ADAM19: variants seen among roughly 807,000 people sequenced by gnomAD.
ADAM19 encodes disintegrin and metalloproteinase domain-containing protein 19.
A neutral mutation model predicts 114.7 loss-of-function variants in ADAM19; 65 were observed. The ratio of observed to expected loss-of-function variants is 0.57; its 90% confidence interval spans 0.46 to 0.70. The LOEUF is 0.70. Ranked by LOEUF, ADAM19 falls within the 30% of genes least tolerant of loss-of-function variation. The pLI is 0.00. For missense variants in ADAM19, 1,063 were observed against 1,204.7 expected, an observed-to-expected ratio of 0.88 and a Z score of 1.74; for synonymous variants, 466 against 460.5, an observed-to-expected ratio of 1.01 and a Z score of -0.15.
At chr5:157,513,283 G>A (rs1755979291) in intron 8 of ADAM19, 151 bp downstream of exon 8, 2 of 622,420 alleles carry the variant, frequency 3.2e-6, no homozygotes, top group African/African-American at 1.8e-5. Context: ...CGTAGTTCAG[G>A]GCTCTGTCAT....
At chr5:157,555,688 G>A (rs539645519) in intron 3 of ADAM19, among the ~76,000 whole-genome samples, 1 of 152,264 alleles carries the variant, frequency 6.6e-6, no homozygotes, top group African/African-American at 2.4e-5. Context: ...TGTTTCCTGG[G>A]GCTAGTGTGT....
chr5:157,485,126 C>A (rs1303590729), intron 21 of ADAM19, among the ~76,000 whole-genome samples: 1 of 152,230 alleles, frequency 6.6e-6, no homozygotes, highest in Non-Finnish European at 1.5e-5. Flanking sequence ...AGCAATGGAT[C>A]TTCAACTCGT....
At chr5:157,529,755 C>T (rs1756572672) in intron 5 of ADAM19, among the ~76,000 whole-genome samples, 1 of 152,184 alleles carries the variant, frequency 6.6e-6, no homozygotes, top group Non-Finnish European at 1.5e-5. Flanking sequence ...TTTTTATCCA[C>T]ATTTTACAAA....
intron 21 of ADAM19, among the ~76,000 whole-genome samples, chr5:157,484,446 C>T (rs1011483446): frequency 5.3e-5 from 8 of 152,222 alleles, no homozygotes; most frequent in African/African-American, 1.9e-4. Context: ...CACCCGCAGG[C>T]CCCCAAGCTG....
chr5:157,477,832 A>T lies in ADAM19; in HGVS notation c.*3117T>A. The stretch of plus-strand genomic sequence containing the variant: ...GGAGGTGGGGAGGGGCTATTGCTTC[A>T]GGGGGAAGGGACTATGGCAATACAA... On this transcript the variant is annotated 3_prime_UTR_variant, in exon 23 of 23. Transcript: ENST00000257527. 9.0e-6 allele frequency: 7 copies of T among 780,096 alleles called. No homozygotes were observed. Among genetic ancestry groups the T allele is most frequent in the Non-Finnish European group, 1.3e-5 (7 of 528,314 alleles). The allele number at this position is 780,096 out of a possible 1,614,324, so 48.3% of individuals were successfully genotyped here. A position where few individuals can be genotyped will look rare whatever the true frequency, so the allele number is the denominator to read the frequency against.
intron 6 of ADAM19, among the ~76,000 whole-genome samples, chr5:157,519,139 G>A (rs79818800): frequency 6.6e-6 from 1 of 152,278 alleles, no homozygotes; most frequent in Non-Finnish European, 1.5e-5. Flanking sequence ...ACTGAGATGA[G>A]CTGATGAGCA....
Position 157,497,077 on chromosome 5 carries a change from C to A in ADAM19, c.1411G>T (p.Gly471Trp). 6.6e-7 allele frequency: 1 copy of A among 1,523,628 alleles called. No individual in the cohort carries two copies. The highest frequency in any genetic ancestry group is 8.8e-7 in the Non-Finnish European group (1 of 1,142,360). The allele number at this position is 1,523,628 out of a possible 1,614,324, so 94.4% of individuals were successfully genotyped here. A position where few individuals can be genotyped will look rare whatever the true frequency, so the allele number is the denominator to read the frequency against. Residue 471 changes from glycine (G) to tryptophan (W), a missense_variant, in exon 14 of 23, where the codon GGG becomes TGG. By Grantham distance (184) the Gly-to-Trp change is radical (BLOSUM62 -2). Coordinates refer to ENST00000257527, the MANE Select transcript of ADAM19 (RefSeq NM_033274.5). Reference sequence around the variant, plus strand: ...CTGGCCTGCTCGCGGCACAGGGTCCCAGGAGCCAACAGCTGAGCCAAGGAA... The same window carrying A: ...CTGGCCTGCTCGCGGCACAGGGTCCAAGGAGCCAACAGCTGAGCCAAGGAA... ...CCHQCKLLAP[G>W]TLCREQARQC...
chr5:157,518,709 A>T, intron 7 of ADAM19, 114 bp downstream of exon 7: 1 of 944,190 alleles, frequency 1.1e-6, no homozygotes, highest in Non-Finnish European at 1.7e-6. Flanking sequence ...GGTCAAAATC[A>T]TAGATGAACT....
In ADAM19 at chr5:157,530,807, C is replaced by T; in HGVS notation, c.407G>A (p.Arg136Lys). The T allele has an allele frequency of 6.2e-7, 1 of 1,614,062 alleles. No homozygotes were observed. The highest frequency in any genetic ancestry group is 8.5e-7 in the Non-Finnish European group (1 of 1,179,918). Residue 136 changes from arginine to lysine, a missense_variant and splice_region_variant, in exon 5 of 23, where the codon AGA (arginine) becomes AAA (lysine). Arg to Lys is a conservative substitution (Grantham distance 26). Coordinates refer to ENST00000257527, the MANE Select transcript of ADAM19 (RefSeq NM_033274.5). ...CACCTGCAGCCTCAGGGTCTCTTAC[C>T]TAATTCCTCGGCAAGTGCTGAGCGT... ...SVTLSTCRGI[R>K]GLITVSSNLS...
At chr5:157,562,497 C>T (rs1757534644) in intron 3 of ADAM19, among the ~76,000 whole-genome samples, 2 of 152,188 alleles carry the variant, frequency 1.3e-5, no homozygotes, top group African/African-American at 4.8e-5. Flanking sequence ...TGCACTTCAC[C>T]TCATTTATCC....
chr5:157,508,624 A>C (rs1191063048), intron 9 of ADAM19, among the ~76,000 whole-genome samples: 3 of 152,156 alleles, frequency 2.0e-5, no homozygotes. Context: ...AAAGAAAAGA[A>C]GACAAATGGT....
chr5:157,502,608 GCCACAAACTA>G (rs1436169687), intron 12 of ADAM19, among the ~76,000 whole-genome samples, 185 bp downstream of exon 12: 1 of 152,188 alleles, frequency 6.6e-6, no homozygotes, highest in Non-Finnish European at 1.5e-5. Context: ...AGCGATGCTG[GCCACAAACTA>G]GCAGAGGCGG....
At chr5:157,535,376 G>A (rs1366224059) in intron 4 of ADAM19, among the ~76,000 whole-genome samples, 1 of 152,248 alleles carries the variant, frequency 6.6e-6, no homozygotes, top group African/African-American at 2.4e-5. Context: ...CCCAGGCCAA[G>A]TTTGGTAGTA....
chr5:157,480,327 T>C lies in ADAM19; in HGVS notation c.*622A>G, dbSNP rs939277502. The C allele has an allele frequency of 7.1e-6, 7 of 986,344 alleles. No homozygotes were observed. The highest frequency in any genetic ancestry group is 8.4e-6 in the Non-Finnish European group (7 of 830,694). 61.1% of individuals were successfully genotyped at this position (986,344 alleles called of 1,614,324 possible). ...TACCTGTCTGAGTCAGAGTGACCCG[T>C]GTGAATACAGGGATGCAGGGGTTTG... On this transcript the variant is annotated 3_prime_UTR_variant, in exon 23 of 23. Transcript: ENST00000257527.
intron 11 of ADAM19, 106 bp downstream of exon 11, chr5:157,505,563 G>T (rs1396737438): frequency 7.6e-7 from 1 of 1,316,768 alleles, no homozygotes; most frequent in Non-Finnish European, 1.0e-6. Flanking sequence ...GGCCCCATCA[G>T]AAGTTTAAGG....
chr5:157,507,230 C>T, intron 9 of ADAM19, 90 bp from the exon 10 acceptor site: 2 of 1,304,944 alleles, frequency 1.5e-6, no homozygotes, highest in Admixed American at 3.6e-5. Flanking sequence ...CACGGGGTTC[C>T]CTGGACCCGC....
chr5:157,493,167 A>G lies in ADAM19; in HGVS notation c.1714T>C (p.Cys572Arg). 7.4e-6 allele frequency: 12 copies of G among 1,613,680 alleles called. No individual in the cohort carries two copies. Among genetic ancestry groups the G allele is most frequent in the Non-Finnish European group, 1.0e-5 (12 of 1,179,624 alleles). Residue 572 changes from cysteine (C) to arginine (R), a missense_variant, in exon 16 of 23, where the codon TGT (cysteine) becomes CGT (arginine). This residue lies in a region of ADAM19 where 24 missense variants were observed against 53.0 expected (regional missense o/e 0.45). Transcript: ENST00000257527. Reference sequence around the variant, plus strand: ...GAGCTCTGACACTGGATCTTCCCACACTTCGCATCTCTGGGCACAAGAGAC... The same window carrying G: ...GAGCTCTGACACTGGATCTTCCCACGCTTCGCATCTCTGGGCACAAGAGAC... ...HRKCNMRDAKCGKIQCQSSEA... is the reference protein window; with the variant it reads ...HRKCNMRDAKRGKIQCQSSEA...
intron 1 of ADAM19, 99 bp downstream of exon 1, chr5:157,575,504 G>C: frequency 1.1e-6 from 1 of 883,350 alleles, no homozygotes. Flanking sequence ...CGGAGTTGCG[G>C]GAGGCGCAGG....
chr5:157,483,901 G>A (rs1201261030), intron 21 of ADAM19, among the ~76,000 whole-genome samples: 2 of 151,938 alleles, frequency 1.3e-5, no homozygotes, highest in African/African-American at 2.4e-5. Context: ...CCAAAGTGCT[G>A]GGATTACACG....
Sources: allele counts gnomAD v4.1 joint callset (sites outside exome capture counted in the v4.1 genomes callset), GRCh38; gene constraint gnomAD v4.1.1; regional missense constraint gnomAD v4.1.1; transcripts MANE v1.5; gene names NCBI Gene and HGNC (gene_info 2026-07-23, HGNC 2026-07-21).